Variants in TRAF3 observed in about 807,000 individuals in gnomAD.
TRAF3 encodes the protein TNF receptor associated factor 3.
A neutral mutation model predicts 62.3 loss-of-function variants in TRAF3; 13 were observed. That is an observed-to-expected ratio of 0.21 (90% CI 0.14 to 0.33). TRAF3 has a LOEUF of 0.33. Among genes scored for constraint, TRAF3 ranks in the 10% least tolerant of loss-of-function variants. The probability of loss-of-function intolerance (pLI) is 1.00; values close to 1 mark genes in which losing one functional copy is unlikely to be tolerated. For missense variants in TRAF3, 440 were observed against 741.8 expected, an observed-to-expected ratio of 0.59 and a Z score of 4.73; for synonymous variants, 269 against 283.4, an observed-to-expected ratio of 0.95 and a Z score of 0.51.
intron 6 of TRAF3, among the ~76,000 whole-genome samples, chr14:102,881,607 T>C (rs1296706557): frequency 1.3e-5 from 2 of 151,988 alleles, no homozygotes; most frequent in Non-Finnish European, 2.9e-5. Context: ...AGGGAGAGCA[T>C]CAGGAAGAAT....
At chr14:102,819,056 A>G (rs887452302) in intron 1 of TRAF3, among the ~76,000 whole-genome samples, 4 of 89,290 alleles carry the variant, frequency 4.5e-5, no homozygotes, top group Non-Finnish European at 9.2e-5. Flanking sequence ...CTCTGTCTCT[A>G]AAAAAAAAAA....
intron 2 of TRAF3, among the ~76,000 whole-genome samples, chr14:102,836,725 CA>C: frequency 6.6e-6 from 1 of 152,258 alleles, no homozygotes; most frequent in East Asian, 1.9e-4. Context: ...ATATTACAAT[CA>C]AAGAAGTGTT....
intron 2 of TRAF3, among the ~76,000 whole-genome samples, chr14:102,842,514 A>C (rs1886437211): frequency 1.3e-5 from 2 of 152,098 alleles, no homozygotes; most frequent in African/African-American, 4.8e-5. Context: ...AGCTGACTTA[A>C]GATATGTATA....
chr14:102,789,391 G>C (rs1483296752), intron 1 of TRAF3, among the ~76,000 whole-genome samples: 1 of 152,134 alleles, frequency 6.6e-6, no homozygotes, highest in Non-Finnish European at 1.5e-5. Flanking sequence ...TGGAATTGCT[G>C]GTCATACGGT....
At chr14:102,904,418 A>G (rs1048730221) in intron 11 of TRAF3, among the ~76,000 whole-genome samples, 1 of 152,164 alleles carries the variant, frequency 6.6e-6, no homozygotes, top group Non-Finnish European at 1.5e-5. Flanking sequence ...GGTGTGGCCT[A>G]TAGTCCCAGT....
chr14:102,787,488 C>T (rs540957866), intron 1 of TRAF3, among the ~76,000 whole-genome samples: 1 of 150,704 alleles, frequency 6.6e-6, no homozygotes, highest in Non-Finnish European at 1.5e-5. Context: ...ACCAGCCTGG[C>T]CAACATGGTA....
rs754440222 is a variant in TRAF3, at chr14:102,903,375, G to A, written c.1081G>A (p.Val361Met). The A allele has an allele frequency of 1.5e-5, 25 of 1,614,056 alleles. No individual in the cohort carries two copies. Among genetic ancestry groups the A allele is most frequent in the East Asian group, 2.2e-5 (1 of 44,888 alleles). The change falls in exon 11 of 12, where the codon GTG becomes ATG. Residue 361 changes from valine to methionine, a missense_variant. Transcript: ENST00000392745. The surrounding 1 kb of genome is among the most constrained non-coding windows in gnomAD (Gnocchi z 6.4). Reference sequence around the variant, plus strand: ...CAGCGTGGAGTCCCTCCAGAACCGCGTGACCGAGCTGGAGAGCGTGGACAA... The same window carrying A: ...CAGCGTGGAGTCCCTCCAGAACCGCATGACCGAGCTGGAGAGCGTGGACAA... ...KSSVESLQNR[V>M]TELESVDKSA...
intron 1 of TRAF3, among the ~76,000 whole-genome samples, chr14:102,797,451 A>G (rs12148050): frequency 0.51 from 77,719 of 151,944 alleles, 22,599 homozygotes; most frequent in South Asian, 0.74. Context: ...ATCTGTTGGT[A>G]AGCCAGAGGC....
At chr14:102,805,140 T>C (rs1455524947) in intron 1 of TRAF3, among the ~76,000 whole-genome samples, 1 of 152,234 alleles carries the variant, frequency 6.6e-6, no homozygotes, top group Non-Finnish European at 1.5e-5. Context: ...TTAGATAATT[T>C]AGATAATTAG....
At chr14:102,881,052 A>C (rs1889025997) in intron 6 of TRAF3, among the ~76,000 whole-genome samples, 1 of 151,404 alleles carries the variant, frequency 6.6e-6, no homozygotes, top group African/African-American at 2.4e-5. Context: ...AAGATCATGC[A>C]CTCCAGCCTG....
chr14:102,904,374 T>A (rs145073001), intron 11 of TRAF3, among the ~76,000 whole-genome samples: 2 of 152,322 alleles, frequency 1.3e-5, no homozygotes, highest in African/African-American at 4.8e-5. Context: ...ATTTTTATAT[T>A]GTTGCTTCAG....
intron 6 of TRAF3, among the ~76,000 whole-genome samples, chr14:102,884,260 G>C (rs957447690): frequency 1.3e-5 from 2 of 152,168 alleles, no homozygotes; most frequent in Non-Finnish European, 2.9e-5. Flanking sequence ...CGTCTTCCTA[G>C]TGCATGTCCT....
At chr14:102,810,992 T>C (rs1899093763) in intron 1 of TRAF3, among the ~76,000 whole-genome samples, 1 of 152,238 alleles carries the variant, frequency 6.6e-6, no homozygotes, top group Admixed American at 6.5e-5. Context: ...ATCTTAACTT[T>C]GTATGTATAC....
At chr14:102,899,890 G>A (rs1002438523) in intron 10 of TRAF3, among the ~76,000 whole-genome samples, 1 of 152,264 alleles carries the variant, frequency 6.6e-6, no homozygotes, top group Non-Finnish European at 1.5e-5. Context: ...TTATTAAGAA[G>A]ACAGCCAGGC....
At chr14:102,779,201 C>T (rs534536184) in intron 1 of TRAF3, among the ~76,000 whole-genome samples, 12 of 150,580 alleles carry the variant, frequency 8.0e-5, no homozygotes, top group Non-Finnish European at 1.5e-4. Context: ...CTCACCCAGA[C>T]GCCATCTGTT....
chr14:102,879,611 A>G (rs928817006), intron 6 of TRAF3, among the ~76,000 whole-genome samples: 22 of 151,610 alleles, frequency 1.5e-4, no homozygotes, highest in African/African-American at 4.8e-4. Flanking sequence ...TTTTTTCTCT[A>G]TGAAATGAGT....
chr14:102,891,036 A>G (rs1230274339), intron 8 of TRAF3, among the ~76,000 whole-genome samples: 3 of 152,220 alleles, frequency 2.0e-5, no homozygotes, highest in Non-Finnish European at 4.4e-5. Context: ...TCAACCCTTG[A>G]TAAGAAGCCA....
chr14:102,904,593 G>A (rs895527170), intron 11 of TRAF3, among the ~76,000 whole-genome samples: 2 of 146,942 alleles, frequency 1.4e-5, no homozygotes, highest in African/African-American at 2.5e-5. Context: ...GGCAGATCAC[G>A]AGGTCAGGAG....
chr14:102,790,231 T>A (rs1227787637), intron 1 of TRAF3, among the ~76,000 whole-genome samples: 1 of 152,246 alleles, frequency 6.6e-6, no homozygotes, highest in Non-Finnish European at 1.5e-5. Context: ...ATTCTTTGTA[T>A]GTTCTTATTT....
Sources: allele counts gnomAD v4.1 joint callset (sites outside exome capture counted in the v4.1 genomes callset), GRCh38; gene constraint gnomAD v4.1.1; non-coding constraint Gnocchi (gnomAD v3.1); transcripts MANE v1.5; gene names NCBI Gene and HGNC (gene_info 2026-07-23, HGNC 2026-07-21).